The following AOPEP variants were observed in gnomAD, a reference collection of about 807,000 sequenced individuals.
The protein encoded by AOPEP is aminopeptidase O (putative).
In AOPEP, 77 loss-of-function variants were observed where a neutral mutation model predicts 98.1. The observed-to-expected ratio is 0.78, with a 90% CI of 0.65 to 0.95. The LOEUF (loss-of-function observed/expected upper bound fraction) is 0.95. Ranked by LOEUF, AOPEP falls within the 40% of genes least tolerant of loss-of-function variation. The pLI is 0.00. For synonymous variants in AOPEP, 346 were observed against 365.3 expected (o/e 0.95, Z 0.60); for missense variants, 1,024 against 1,024.7 (o/e 1.00, Z 0.01).
intron 5 of AOPEP, among the ~76,000 whole-genome samples, chr9:94,890,187 C>T (rs1382011001): frequency 4.0e-5 from 6 of 151,792 alleles, no homozygotes; most frequent in Non-Finnish European, 8.8e-5. Context: ...ACCACTATGC[C>T]TGGCTAATTT....
chr9:95,000,653 AG>A lies in AOPEP; in HGVS notation c.1978-4504del, dbSNP rs1156716538. The stretch of plus-strand genomic sequence containing the variant: ...AGCCTGGGAGGCAGAGGTTGCAGTG[AG>A]CCAAGATTGCACCATTGCACTCCAG... On this transcript the variant is annotated intron_variant, in intron 11 of 16. Transcript: ENST00000375315. Among the ~76,000 whole-genome samples the A allele has an allele frequency of 2.6e-5, 4 of 152,228 alleles. No individual in the cohort carries two copies. The East Asian group carries it at 7.7e-4, about 29-fold the overall frequency.
chr9:94,855,109 A>G (rs1588557749), intron 5 of AOPEP, among the ~76,000 whole-genome samples: 1 of 152,062 alleles, frequency 6.6e-6, no homozygotes, highest in African/African-American at 2.4e-5. Flanking sequence ...ACAGAATCTC[A>G]TTCTGTCACC....
chr9:95,123,085 TG>T, the AOPEP span, among the ~76,000 whole-genome samples: 1 of 152,080 alleles, frequency 6.6e-6, no homozygotes, highest in Non-Finnish European at 1.5e-5. Flanking sequence ...GAGGATCCCT[TG>T]AACCCAGCTG....
At chr9:94,967,630 G>A in intron 9 of AOPEP, 128 bp from the exon 10 acceptor site, 1 of 696,930 alleles carries the variant, frequency 1.4e-6, no homozygotes, top group East Asian at 2.6e-5. Flanking sequence ...AGTCTTTTAA[G>A]TCAGCATAGG....
In AOPEP at chr9:94,973,358, G is replaced by A. The variant is rs117986448; in HGVS notation, c.1916+5557G>A. ...ATCCCACCTTGGAAATCAACTGAGC[G>A]AGCAAATACAGGCATGGGCAACACC... is the stretch of plus-strand genomic sequence containing the variant. On this transcript the variant is annotated intron_variant, in intron 10 of 16. Coordinates refer to ENST00000375315, the MANE Select transcript of AOPEP (RefSeq NM_001193329.3). Among the ~76,000 whole-genome samples the A allele has an allele frequency of 3.2e-4, 49 of 152,320 alleles. No homozygotes were observed. In the East Asian group the frequency reaches 8.7e-3, roughly 27 times the overall value.
At chr9:94,841,289 A>G (rs995308567) in intron 5 of AOPEP, among the ~76,000 whole-genome samples, 1 of 151,242 alleles carries the variant, frequency 6.6e-6, no homozygotes, top group African/African-American at 2.4e-5. Flanking sequence ...CTCCTGCCTC[A>G]GCCTCCTGAG....
At chr9:94,917,094 T>C (rs1413887610) in intron 5 of AOPEP, among the ~76,000 whole-genome samples, 1 of 152,188 alleles carries the variant, frequency 6.6e-6, no homozygotes, top group African/African-American at 2.4e-5. Context: ...GCAGAGCAGC[T>C]GAGGCAGGTG....
At chr9:95,027,040 C>T (rs957041547) in intron 13 of AOPEP, among the ~76,000 whole-genome samples, 3 of 152,082 alleles carry the variant, frequency 2.0e-5, no homozygotes, top group African/African-American at 4.8e-5. Flanking sequence ...GCGGGTGGAT[C>T]GCTTGAACCT....
At chr9:94,925,857 A>G (rs543810696) in intron 6 of AOPEP, among the ~76,000 whole-genome samples, 1 of 152,228 alleles carries the variant, frequency 6.6e-6, no homozygotes. Flanking sequence ...CCTCATTTGT[A>G]GAATGGATGT....
At chr9:95,089,188 C>A (rs2070832305), downstream of AOPEP, among the ~76,000 whole-genome samples, 1 of 152,164 alleles carries the variant, frequency 6.6e-6, no homozygotes, top group Non-Finnish European at 1.5e-5. Context: ...GGCAGAGAGG[C>A]CTCTAGATTC....
chr9:94,972,397 GTC>G lies in AOPEP; in HGVS notation c.1916+4601_1916+4602del, dbSNP rs2059590010. Among the ~76,000 whole-genome samples, 1 of 152,178 alleles carries G rather than the reference GTC, an allele frequency of 6.6e-6. No individual in the cohort carries two copies. The highest frequency in any genetic ancestry group is 1.5e-5 in the Non-Finnish European group (1 of 68,028). On this transcript the variant is annotated intron_variant, in intron 10 of 16. Coordinates refer to ENST00000375315, the MANE Select transcript of AOPEP (RefSeq NM_001193329.3). The surrounding 1 kb of genome is among the most constrained non-coding windows in gnomAD (Gnocchi z 4.2). Reference sequence around the variant, plus strand: ...AAAACCCAGACAATCCTGAGCAGCAGTCTCTCCTGGTGAAAGAGCCCCGTGGA... The same window carrying G: ...AAAACCCAGACAATCCTGAGCAGCAGTCTCCTGGTGAAAGAGCCCCGTGGA...
intron 13 of AOPEP, among the ~76,000 whole-genome samples, chr9:95,041,062 A>AG (rs397800177): frequency 4.0e-5 from 6 of 151,622 alleles, no homozygotes; most frequent in Admixed American, 3.9e-4. Flanking sequence ...AAAAAAAAAA[A>AG]GCAAGTAATG....
chr9:95,004,918 C>A (rs1329013669), intron 11 of AOPEP: 1 of 146,024 alleles, frequency 6.8e-6, no homozygotes, highest in Non-Finnish European at 1.5e-5. Flanking sequence ...GCAGGCCCCG[C>A]CCCCGCTCGG....
the AOPEP span, among the ~76,000 whole-genome samples, chr9:95,102,894 C>A: frequency 6.6e-6 from 1 of 152,216 alleles, no homozygotes; most frequent in Non-Finnish European, 1.5e-5. Context: ...GCACACAGGG[C>A]CTGCAGCCGG....
the AOPEP span, among the ~76,000 whole-genome samples, chr9:95,111,934 C>T: frequency 2.0e-5 from 3 of 152,168 alleles, no homozygotes; most frequent in Non-Finnish European, 4.4e-5. Context: ...AAGACTGCGG[C>T]CATGACCAAC....
At chr9:94,893,589 T>C (rs2049116005) in intron 5 of AOPEP, among the ~76,000 whole-genome samples, 1 of 152,210 alleles carries the variant, frequency 6.6e-6, no homozygotes, top group African/African-American at 2.4e-5. Flanking sequence ...ACTAATGATT[T>C]AGTAGTCAGT....
chr9:95,074,642 A>G (rs1209348533), intron 14 of AOPEP, among the ~76,000 whole-genome samples: 2 of 152,238 alleles, frequency 1.3e-5, no homozygotes, highest in Non-Finnish European at 2.9e-5. Context: ...ATTGGACTAA[A>G]GCATTCAAGG....
chr9:94,798,622 G>A (rs891319409), intron 4 of AOPEP, among the ~76,000 whole-genome samples: 7 of 152,116 alleles, frequency 4.6e-5, no homozygotes, highest in African/African-American at 1.7e-4. Flanking sequence ...TATAATTTAA[G>A]CTTATGCCTC....
intron 5 of AOPEP, among the ~76,000 whole-genome samples, chr9:94,829,195 TAC>T (rs137955329): frequency 1.9e-4 from 28 of 150,338 alleles, no homozygotes; most frequent in Middle Eastern, 3.4e-3. Context: ...TAAACCAGTT[TAC>T]ACACACACAC....
Sources: allele counts gnomAD v4.1 joint callset (sites outside exome capture counted in the v4.1 genomes callset), GRCh38; gene constraint gnomAD v4.1.1; non-coding constraint Gnocchi (gnomAD v3.1); transcripts MANE v1.5; gene names NCBI Gene and HGNC (gene_info 2026-07-23, HGNC 2026-07-21).